The following CACNA2D4 variants were observed in gnomAD, a reference collection of about 807,000 sequenced individuals.
CACNA2D4 encodes the protein voltage-dependent calcium channel subunit alpha-2/delta-4.
In CACNA2D4, 157 loss-of-function variants were observed where a neutral mutation model predicts 163.8. That is an observed-to-expected ratio of 0.96 (90% CI 0.84 to 1.09). The LOEUF (loss-of-function observed/expected upper bound fraction) is 1.09, where lower values mean the gene tolerates loss of function less well. CACNA2D4 is among the 50% of genes least tolerant of loss of function. The pLI, the probability that CACNA2D4 is intolerant of heterozygous loss-of-function variation, is 0.00. For synonymous variants in CACNA2D4, 598 were observed against 586.9 expected (o/e 1.02, Z -0.27); for missense variants, 1,410 against 1,479.9 (o/e 0.95, Z 0.78).
chr12:1,897,536 G>A (rs549651313), intron 6 of CACNA2D4, among the ~76,000 whole-genome samples: 61 of 152,074 alleles, frequency 4.0e-4, no homozygotes, highest in Non-Finnish European at 6.2e-4. Context: ...ATAAGATGAT[G>A]GCACATTCAA....
At chr12:1,904,719 G>A (rs1193245735) in intron 6 of CACNA2D4, among the ~76,000 whole-genome samples, 1 of 151,774 alleles carries the variant, frequency 6.6e-6, no homozygotes, top group Non-Finnish European at 1.5e-5. Context: ...AATCCCTCTG[G>A]TAACCAGAAA....
intron 20 of CACNA2D4, among the ~76,000 whole-genome samples, chr12:1,856,737 A>C (rs1343158766): frequency 1.3e-5 from 2 of 152,212 alleles, no homozygotes; most frequent in Non-Finnish European, 2.9e-5. Context: ...CTCTCACCTA[A>C]CACAGAGCCA....
intron 37 of CACNA2D4, among the ~76,000 whole-genome samples, chr12:1,794,596 G>A (rs892520642): frequency 2.0e-5 from 3 of 152,138 alleles, no homozygotes; most frequent in Non-Finnish European, 4.4e-5. Flanking sequence ...TTGTTAGCGT[G>A]GCTCACTCAA....
chr12:1,837,436 G>A (rs756488199), intron 26 of CACNA2D4, among the ~76,000 whole-genome samples: 2 of 152,148 alleles, frequency 1.3e-5, no homozygotes, highest in Non-Finnish European at 2.9e-5. Flanking sequence ...GGGGAGTGAG[G>A]CACTGAGTAG....
Position 1,911,021 on chromosome 12 carries a change from ATTTTTTT to A in CACNA2D4, c.427-1063_427-1057del, listed in dbSNP as rs374264665. Among the ~76,000 whole-genome samples the A allele has an allele frequency of 6.7e-4, 90 of 133,460 alleles. 1 individual carries two copies. In the East Asian group the frequency reaches 0.017, roughly 26 times the overall value. 87.6% of individuals were successfully genotyped at this position (133,460 alleles called of 152,430 possible). On this transcript the variant is annotated intron_variant, in intron 3 of 37. Coordinates refer to ENST00000382722, the MANE Select transcript of CACNA2D4 (RefSeq NM_172364.5). Reference sequence around the variant, plus strand: ...GTCACCTGTATTTTACCGCAATACAATTTTTTTTTTTTTTTTTTTTGAGATGGAGTCT... The same window carrying A: ...GTCACCTGTATTTTACCGCAATACAATTTTTTTTTTTTTGAGATGGAGTCT...
In CACNA2D4 at chr12:1,792,226, T is replaced by TCTC. The variant is rs77487055; in HGVS notation, c.*1428_*1429insGAG. 66,221 of 151,998 alleles carry TCTC rather than the reference T, an allele frequency of 0.44. 16,510 individuals carry two copies. Among genetic ancestry groups the TCTC allele is most frequent in the Non-Finnish European group, 0.56 (38,249 of 67,904 alleles). The allele number at this position is 151,998 out of a possible 1,614,324, so 9.4% of individuals were successfully genotyped here. ...CATTATTCTGCCACTTAAGCTGTCT[T>TCTC]CGAGCTGCAGTGTCTTCTGCTGTAA... On this transcript the variant is annotated 3_prime_UTR_variant, in exon 38 of 38. Coordinates refer to ENST00000382722, the MANE Select transcript of CACNA2D4 (RefSeq NM_172364.5).
chr12:1,876,531 T>G lies in CACNA2D4; in HGVS notation c.1720-1194A>C, dbSNP rs375055877. ...TTAAGGATTAATTAACATGTCTGCT[T>G]TGAGCCAAATGAGGCCCCCAGCAGA... On this transcript the variant is annotated intron_variant, in intron 16 of 37. Coordinates refer to ENST00000382722, the MANE Select transcript of CACNA2D4 (RefSeq NM_172364.5). Among the ~76,000 whole-genome samples the G allele has an allele frequency of 1.1e-4, 17 of 152,350 alleles. No individual in the cohort carries two copies. The East Asian group carries it at 3.1e-3, about 28-fold the overall frequency.
At chr12:1,819,912 G>A (rs900899290) in intron 26 of CACNA2D4, among the ~76,000 whole-genome samples, 59 of 152,300 alleles carry the variant, frequency 3.9e-4, no homozygotes, top group African/African-American at 1.3e-3. Context: ...TAGTCCTGGC[G>A]TCGGGTGGTC....
At chr12:1,805,659 C>T (rs1863510519) in intron 29 of CACNA2D4, among the ~76,000 whole-genome samples, 2 of 152,172 alleles carry the variant, frequency 1.3e-5, no homozygotes, top group South Asian at 2.1e-4. Context: ...CAGCACTGCA[C>T]TCCCCAGAAA....
Position 1,913,157 on chromosome 12 carries a change from G to A in CACNA2D4, c.310-18C>T. ...TTGTACTTCTGTTTGGGGAAAGTGG[G>A]AGAGATGCGTGCATGTGGTTTTGTA... is the stretch of plus-strand genomic sequence containing the variant. On this transcript the variant is annotated intron_variant, in intron 2 of 37. Coordinates refer to ENST00000382722, the MANE Select transcript of CACNA2D4 (RefSeq NM_172364.5). The A allele has an allele frequency of 6.5e-7, 1 of 1,544,272 alleles. No individual in the cohort carries two copies. Among genetic ancestry groups the A allele is most frequent in the Non-Finnish European group, 9.0e-7 (1 of 1,116,642 alleles).
chr12:1,855,985 TTGC>T, intron 22 of CACNA2D4, 24 bp downstream of exon 22: 1 of 1,581,482 alleles, frequency 6.3e-7, no homozygotes, highest in Non-Finnish European at 8.7e-7. Flanking sequence ...GAGGAAAAGC[TTGC>T]CTCAGTGGGC....
At chr12:1,796,652 G>A (rs1863136800) in intron 35 of CACNA2D4, among the ~76,000 whole-genome samples, 1 of 152,234 alleles carries the variant, frequency 6.6e-6, no homozygotes, top group Non-Finnish European at 1.5e-5. Context: ...GACGCGCAGG[G>A]AGTGGGGGAG....
At chr12:1,858,556 C>T in intron 20 of CACNA2D4, 21 bp downstream of exon 20, 1 of 1,612,180 alleles carries the variant, frequency 6.2e-7, no homozygotes, top group South Asian at 1.1e-5. Context: ...AACTGTCCCT[C>T]AGCCCCTGGT....
At position 1,857,416 on chromosome 12, in the gene CACNA2D4, T is replaced by A. The variant is rs530323373; in HGVS notation, c.2008+1161A>T. ...GGCAGACTTGGCATTTCTAGGAAGA[T>A]CCCTCTGGCTGAAGCTCAGAGAAGA... On this transcript the variant is annotated intron_variant, in intron 20 of 37. Coordinates refer to ENST00000382722, the MANE Select transcript of CACNA2D4 (RefSeq NM_172364.5). Among the ~76,000 whole-genome samples the A allele has an allele frequency of 1.1e-4, 16 of 152,186 alleles. No homozygotes were observed. The East Asian group carries it at 3.1e-3, about 29-fold the overall frequency.
At chr12:1,796,345 C>T (rs780559538) in intron 35 of CACNA2D4, among the ~76,000 whole-genome samples, 7 of 152,266 alleles carry the variant, frequency 4.6e-5, no homozygotes, top group Non-Finnish European at 7.3e-5. Context: ...ACACACCCAA[C>T]GTGCACACCA....
chr12:1,795,513 C>A, intron 36 of CACNA2D4, 132 bp from the exon 37 acceptor site: 1 of 987,172 alleles, frequency 1.0e-6, no homozygotes, highest in Non-Finnish European at 1.6e-6. Flanking sequence ...GAGGCAGCAC[C>A]GGGGCCCAGG....
chr12:1,871,499 G>T lies in CACNA2D4; in HGVS notation c.1878+3105C>A, dbSNP rs1865779441. Among the ~76,000 whole-genome samples, 3 of 149,752 alleles carry T rather than the reference G, an allele frequency of 2.0e-5. No homozygotes were observed. In the South Asian group the frequency reaches 6.5e-4, roughly 32 times the overall value. ...TGCTAGTGTGTGCATATGTACATGT[G>T]TGTGTTGCTGGTGTGTGTGTACATG... On this transcript the variant is annotated intron_variant, in intron 18 of 37. Transcript: ENST00000382722.
At chr12:1,797,557 C>G (rs1863172457) in intron 34 of CACNA2D4, 22 bp from the exon 35 acceptor site, 6 of 1,535,466 alleles carry the variant, frequency 3.9e-6, no homozygotes, top group Non-Finnish European at 4.4e-6. Context: ...GAAAGGACAT[C>G]ACGCCACCGA....
In CACNA2D4 at chr12:1,820,073, C is replaced by G. The variant is rs569357685; in HGVS notation, c.2552-8350G>C. Reference sequence around the variant, plus strand: ...AGAGAAGGGTTCGGTTTTTCCTTCTCTCAGGCAGGATGGGAGACTCTGCCT... The same window carrying G: ...AGAGAAGGGTTCGGTTTTTCCTTCTGTCAGGCAGGATGGGAGACTCTGCCT... On this transcript the variant is annotated intron_variant, in intron 26 of 37. Coordinates refer to ENST00000382722, the MANE Select transcript of CACNA2D4 (RefSeq NM_172364.5). This position sits in a 1 kb window ranked among gnomAD's most constrained non-coding sequence, Gnocchi z 6.0. Among the ~76,000 whole-genome samples the G allele has an allele frequency of 2.0e-4, 30 of 152,310 alleles. No individual in the cohort carries two copies. Among genetic ancestry groups the G allele is most frequent in the African/African-American group, 7.2e-4 (30 of 41,566 alleles).
Sources: gnomAD v4.1 joint callset for allele counts (sites outside exome capture counted in the v4.1 genomes callset) on GRCh38, gnomAD v4.1.1 for gene constraint, Gnocchi (gnomAD v3.1) non-coding constraint, MANE v1.5 for transcripts, NCBI Gene and HGNC (gene_info 2026-07-23, HGNC 2026-07-21) for gene names.